CAMTA1: variants seen among roughly 807,000 people sequenced by gnomAD.
CAMTA1 encodes the protein calmodulin-binding transcription activator 1.
In CAMTA1, 27 loss-of-function variants were observed where a neutral mutation model predicts 170.9. The ratio of observed to expected loss-of-function variants is 0.16; its 90% CI spans 0.12 to 0.22. The LOEUF (loss-of-function observed/expected upper bound fraction) is 0.22, where lower values mean the gene tolerates loss of function less well. CAMTA1 is among the 10% of genes least tolerant of loss of function. CAMTA1 has a pLI of 1.00. For missense variants in CAMTA1, 1,619 were observed against 2,217.2 expected (o/e 0.73, Z 5.42); for synonymous variants, 833 against 891.5 (o/e 0.93, Z 1.17).
Position 6,977,561 on chromosome 1 carries a change from C to T in CAMTA1, c.235-113743C>T, listed in dbSNP as rs200253744. On this transcript the variant is annotated intron_variant, in intron 3 of 22. Coordinates refer to ENST00000303635, the MANE Select transcript of CAMTA1 (RefSeq NM_015215.4). ...TTCACCATGTCAGCCAGGATGGTAT[C>T]GATTTCCTGACCTTGGGATCCACTC... Among the ~76,000 whole-genome samples, 11 of 152,244 alleles carry T rather than the reference C, an allele frequency of 7.2e-5. No homozygotes were observed. In the South Asian group the frequency reaches 8.3e-4, roughly 11 times the overall value.
chr1:6,909,316 C>G (rs925795849), intron 3 of CAMTA1, among the ~76,000 whole-genome samples: 5 of 152,192 alleles, frequency 3.3e-5, no homozygotes, highest in Admixed American at 2.6e-4. Context: ...GAATTACTTC[C>G]GAATACTTGT....
In CAMTA1 at chr1:7,547,790, T is replaced by C. The variant is rs1336107721; in HGVS notation, c.510+79889T>C. ...AATTATTCTTCCAACATAATCTCCC[T>C]GTACACAACCAGTCTCACATCTCTG... On this transcript the variant is annotated intron_variant, in intron 6 of 22. Transcript: ENST00000303635. The surrounding 1 kb of genome is among the most constrained non-coding windows in gnomAD (Gnocchi z 5.7). 1.3e-5 allele frequency among the ~76,000 whole-genome samples: 2 copies of C among 152,104 alleles called. No homozygotes were observed. The highest frequency in any genetic ancestry group is 3.9e-4 in the East Asian group (2 of 5,188).
chr1:7,310,908 T>G (rs934357851), intron 5 of CAMTA1, among the ~76,000 whole-genome samples: 1 of 151,820 alleles, frequency 6.6e-6, no homozygotes, highest in Non-Finnish European at 1.5e-5. Context: ...TTTTTGTATT[T>G]TTAGTAGAGA....
intron 3 of CAMTA1, among the ~76,000 whole-genome samples, chr1:7,078,644 T>C (rs1572887048): frequency 6.6e-6 from 1 of 152,226 alleles, no homozygotes; most frequent in East Asian, 1.9e-4. Flanking sequence ...ATGGAATAAC[T>C]AGGACTAGAT....
intron 4 of CAMTA1, among the ~76,000 whole-genome samples, chr1:7,143,889 C>A (rs983707768): frequency 1.3e-5 from 2 of 152,138 alleles, no homozygotes; most frequent in African/African-American, 4.8e-5. Context: ...TTTCCCCATC[C>A]TTTAATTCTG....
At chr1:7,498,399 G>A (rs1199948490) in intron 6 of CAMTA1, among the ~76,000 whole-genome samples, 1 of 151,502 alleles carries the variant, frequency 6.6e-6, no homozygotes. Context: ...GTGAGTGAAT[G>A]TGTATGAGTG....
Position 7,050,625 on chromosome 1 carries a change from T to C in CAMTA1, c.235-40679T>C, listed in dbSNP as rs1338864676. Among the ~76,000 whole-genome samples the C allele has an allele frequency of 6.6e-6, 1 of 152,136 alleles. No homozygotes were observed. Among genetic ancestry groups the C allele is most frequent in the African/African-American group, 2.4e-5 (1 of 41,426 alleles). On this transcript the variant is annotated intron_variant, in intron 3 of 22. Coordinates refer to ENST00000303635, the MANE Select transcript of CAMTA1 (RefSeq NM_015215.4). This position sits in a 1 kb window ranked among gnomAD's most constrained non-coding sequence, Gnocchi z 4.8. ...AGTACCAGGCTATTTGAACATGTCTTTGTAGGTTTATCACCAAGGTAGAAG... is the reference window on the plus strand; with the variant it reads ...AGTACCAGGCTATTTGAACATGTCTCTGTAGGTTTATCACCAAGGTAGAAG...
chr1:7,662,153 C>T (rs553668269), intron 8 of CAMTA1, among the ~76,000 whole-genome samples: 3 of 152,332 alleles, frequency 2.0e-5, no homozygotes, highest in Admixed American at 1.3e-4. Context: ...GTTGGGGAAG[C>T]GAGGAGCTCT....
intron 3 of CAMTA1, among the ~76,000 whole-genome samples, chr1:6,958,900 C>T (rs953132823): frequency 3.9e-5 from 6 of 152,052 alleles, no homozygotes; most frequent in Admixed American, 1.3e-4. Context: ...GAAAAATGCT[C>T]GTGGCAGGCT....
At position 7,738,027 on chromosome 1, in the gene CAMTA1, C is replaced by T; in HGVS notation, c.3727C>T (p.Pro1243Ser). 6.2e-7 allele frequency: 1 copy of T among 1,614,102 alleles called. No homozygotes were observed. Among genetic ancestry groups the T allele is most frequent in the East Asian group, 2.2e-5 (1 of 44,878 alleles). Residue 1243 changes from proline (P) to serine (S), a missense_variant, in exon 16 of 23, where the codon CCC becomes TCC. Transcript: ENST00000303635. The surrounding 1 kb of genome is among the most constrained non-coding windows in gnomAD (Gnocchi z 4.9). ...SSESHKDYPA[P>S]KKHKLNPEYF... Reference sequence around the variant, plus strand: ...TGAGAGCCACAAAGATTATCCGGCTCCCAAAAAGCATAAATTGAACCCTGA... The same window carrying T: ...TGAGAGCCACAAAGATTATCCGGCTTCCAAAAAGCATAAATTGAACCCTGA...
At chr1:6,837,787 AT>A (rs201999346) in intron 3 of CAMTA1, among the ~76,000 whole-genome samples, 1,856 of 152,254 alleles carry the variant, frequency 0.012, 30 homozygotes, top group Admixed American at 0.042. Context: ...TATTAATCAA[AT>A]TTTTTTGTAT....
At chr1:6,920,725 G>C (rs1681820971) in intron 3 of CAMTA1, among the ~76,000 whole-genome samples, 1 of 152,214 alleles carries the variant, frequency 6.6e-6, no homozygotes, top group South Asian at 2.1e-4. Context: ...GCACCTGCAG[G>C]CTCTAGAGTG....
chr1:6,929,346 A>ATT, intron 3 of CAMTA1, among the ~76,000 whole-genome samples: 1 of 146,008 alleles, frequency 6.8e-6, no homozygotes, highest in Non-Finnish European at 1.5e-5. Context: ...TGCCCAGCTA[A>ATT]TTTTTTTTTT....
intron 4 of CAMTA1, among the ~76,000 whole-genome samples, chr1:7,142,971 G>A (rs1645973862): frequency 6.6e-6 from 1 of 152,212 alleles, no homozygotes; most frequent in African/African-American, 2.4e-5. Flanking sequence ...TTTCATGCCT[G>A]AGCTGTCTCA....
At chr1:7,517,563 T>C (rs1364002432) in intron 6 of CAMTA1, among the ~76,000 whole-genome samples, 1 of 152,142 alleles carries the variant, frequency 6.6e-6, no homozygotes, top group Non-Finnish European at 1.5e-5. Flanking sequence ...TATCATCTCT[T>C]TAATGTTATG....
intron 6 of CAMTA1, among the ~76,000 whole-genome samples, chr1:7,507,740 G>A (rs2094142098): frequency 6.6e-6 from 1 of 152,212 alleles, no homozygotes; most frequent in Non-Finnish European, 1.5e-5. Flanking sequence ...GGGCCCACGG[G>A]CCACGTCCAG....
chr1:7,652,205 C>T (rs545237473), intron 7 of CAMTA1, among the ~76,000 whole-genome samples: 9 of 152,194 alleles, frequency 5.9e-5, no homozygotes, highest in Non-Finnish European at 1.2e-4. Context: ...AGCCTGCTGC[C>T]GTGACAAGAC....
intron 5 of CAMTA1, among the ~76,000 whole-genome samples, chr1:7,459,707 G>C (rs995412515): frequency 6.6e-6 from 1 of 152,208 alleles, no homozygotes; most frequent in African/African-American, 2.4e-5. Context: ...TTGCAGTCCA[G>C]GTAAGTCAAA....
In CAMTA1 at chr1:7,561,263, C is replaced by A. The variant is rs1413912401; in HGVS notation, c.511-79137C>A. 6.6e-6 allele frequency among the ~76,000 whole-genome samples: 1 copy of A among 151,876 alleles called. No individual in the cohort carries two copies. The highest frequency in any genetic ancestry group is 1.5e-5 in the Non-Finnish European group (1 of 67,936). ...TGGATCTGATATTGATCATCCCAGC[C>A]CCTCTACCATCTGCTCAGCTACCAA... On this transcript the variant is annotated intron_variant, in intron 6 of 22. Transcript: ENST00000303635. This position sits in a 1 kb window ranked among gnomAD's most constrained non-coding sequence, Gnocchi z 5.3.
Sources: allele counts gnomAD v4.1 joint callset (sites outside exome capture counted in the v4.1 genomes callset), GRCh38; gene constraint gnomAD v4.1.1; non-coding constraint Gnocchi (gnomAD v3.1); transcripts MANE v1.5; gene names NCBI Gene and HGNC (gene_info 2026-07-23, HGNC 2026-07-21).